Variants in ASB7 observed in about 807,000 individuals in gnomAD.
ASB7 encodes ankyrin repeat and SOCS box protein 7.
In ASB7, 4 loss-of-function variants were observed where a neutral mutation model predicts 32.5. The observed-to-expected ratio is 0.12, with a 90% CI of 0.06 to 0.28. The LOEUF is 0.28. ASB7 is among the 10% of genes least tolerant of loss of function. The probability of loss-of-function intolerance (pLI) is 1.00; values close to 1 mark genes in which losing one functional copy is unlikely to be tolerated. For synonymous variants in ASB7, 172 were observed against 155.6 expected (o/e 1.11, Z -0.78); for missense variants, 181 against 407.1 (o/e 0.44, Z 4.78).
intron 4 of ASB7, among the ~76,000 whole-genome samples, chr15:100,613,019 T>G (rs1399704111): frequency 2.0e-5 from 3 of 152,254 alleles, no homozygotes; most frequent in Non-Finnish European, 4.4e-5. Context: ...TGTTTTTGCT[T>G]TGAAAAACTG....
chr15:100,607,423 C>G (rs972548146), intron 2 of ASB7, among the ~76,000 whole-genome samples: 1 of 152,182 alleles, frequency 6.6e-6, no homozygotes, highest in African/African-American at 2.4e-5. Flanking sequence ...GAGGAAATTA[C>G]TTGTTGATGC....
chr15:100,641,006 G>A (rs960938761), intron 5 of ASB7, among the ~76,000 whole-genome samples: 3 of 152,134 alleles, frequency 2.0e-5, no homozygotes, highest in Non-Finnish European at 2.9e-5. Flanking sequence ...TAAAGGGTTT[G>A]TAATTCTTTA....
intron 5 of ASB7, among the ~76,000 whole-genome samples, chr15:100,637,955 C>CT (rs541831373): frequency 0.026 from 3,556 of 136,738 alleles, 151 homozygotes; most frequent in African/African-American, 0.073. Flanking sequence ...GAAAGCAGCT[C>CT]TTTTTTTTTT....
chr15:100,616,718 G>T (rs1474875963), intron 4 of ASB7, among the ~76,000 whole-genome samples: 1 of 152,168 alleles, frequency 6.6e-6, no homozygotes, highest in African/African-American at 2.4e-5. Flanking sequence ...CCTTTCCCTA[G>T]TAGAATAAGA....
chr15:100,625,562 A>G (rs572126016), intron 4 of ASB7, among the ~76,000 whole-genome samples: 8 of 152,198 alleles, frequency 5.3e-5, no homozygotes, highest in Non-Finnish European at 1.2e-4. Flanking sequence ...TAAGACCTAT[A>G]TAGAGAACTA....
chr15:100,629,802 C>G lies in ASB7; in HGVS notation c.577C>G (p.His193Asp), dbSNP rs1193988772. ...GCGATACGCCGTGATCAAAAGCAATCACTCTTATTGCCGAATGTTCCTTCA... is the reference window on the plus strand; with the variant it reads ...GCGATACGCCGTGATCAAAAGCAATGACTCTTATTGCCGAATGTTCCTTCA... Reference protein sequence around the residue: ...LLRYAVIKSNHSYCRMFLQRG... With the variant: ...LLRYAVIKSNDSYCRMFLQRG... The change falls in exon 5 of 6, where the codon CAC (histidine) becomes GAC (aspartate). Residue 193 changes from histidine (H) to aspartate (D), a missense_variant. Physicochemically the swap from His to Asp is moderately conservative, Grantham distance 81. Transcript: ENST00000332783. The surrounding 1 kb of genome is among the most constrained non-coding windows in gnomAD (Gnocchi z 6.8). 1 of 1,614,144 alleles carries G rather than the reference C, an allele frequency of 6.2e-7. No homozygotes were observed. Among genetic ancestry groups the G allele is most frequent in the Non-Finnish European group, 8.5e-7 (1 of 1,180,044 alleles).
At chr15:100,631,126 A>G (rs2039880145) in intron 5 of ASB7, among the ~76,000 whole-genome samples, 1 of 152,122 alleles carries the variant, frequency 6.6e-6, no homozygotes, top group East Asian at 1.9e-4. Context: ...ATTATCACTA[A>G]TGTTTTCAGA....
In ASB7 at chr15:100,602,811, G is replaced by C. The variant is rs1303975004; in HGVS notation, c.-508G>C. Reference sequence around the variant, plus strand: ...CTGGACCGGGACTGCCCCCCCACCCGAGCCAGGACTTCCTCCCTGCCTCCC... The same window carrying C: ...CTGGACCGGGACTGCCCCCCCACCCCAGCCAGGACTTCCTCCCTGCCTCCC... On this transcript the variant is annotated 5_prime_UTR_variant, in exon 1 of 6. Transcript: ENST00000332783. The C allele has an allele frequency of 2.6e-6, 1 of 385,624 alleles. No individual in the cohort carries two copies. Among genetic ancestry groups the C allele is most frequent in the Non-Finnish European group, 4.6e-6 (1 of 218,450 alleles). The allele number at this position is 385,624 out of a possible 1,614,324, so 23.9% of individuals were successfully genotyped here.
chr15:100,615,692 CAGAGATAGTCTATGCATGT>C (rs2039737642), intron 4 of ASB7, among the ~76,000 whole-genome samples: 1 of 152,198 alleles, frequency 6.6e-6, no homozygotes, highest in Non-Finnish European at 1.5e-5. Context: ...TTGTACCATC[CAGAGATAGTCTATGCATGT>C]AGGCAGAAAT....
At chr15:100,634,593 C>G (rs924435367) in intron 5 of ASB7, among the ~76,000 whole-genome samples, 7 of 152,116 alleles carry the variant, frequency 4.6e-5, no homozygotes, top group African/African-American at 1.7e-4. Context: ...CACTTGAGGC[C>G]GGGAGTTAGA....
Position 100,629,398 on chromosome 15 carries a change from TG to T in ASB7, c.212-37del. On this transcript the variant is annotated intron_variant, in intron 4 of 5. Coordinates refer to ENST00000332783, the MANE Select transcript of ASB7 (RefSeq NM_198243.3). This position sits in a 1 kb window ranked among gnomAD's most constrained non-coding sequence, Gnocchi z 6.8. ...CATGGTAATGTTTGTTGTTTTGTCTTGGAGTCTGCTAATACTTTCATTTTGG... is the reference window on the plus strand; with the variant it reads ...CATGGTAATGTTTGTTGTTTTGTCTTGAGTCTGCTAATACTTTCATTTTGG... 6.5e-7 allele frequency: 1 copy of T among 1,531,012 alleles called. No individual in the cohort carries two copies. The highest frequency in any genetic ancestry group is 8.9e-7 in the Non-Finnish European group (1 of 1,119,892). 94.8% of individuals were successfully genotyped at this position (1,531,012 alleles called of 1,614,324 possible). A position where few individuals can be genotyped will look rare whatever the true frequency, so the allele number is the denominator to read the frequency against.
intron 3 of ASB7, among the ~76,000 whole-genome samples, chr15:100,611,833 T>A (rs2141388784): frequency 6.6e-6 from 1 of 150,960 alleles, no homozygotes; most frequent in African/African-American, 2.4e-5. Context: ...TTTTTTTTTT[T>A]TTTTGAGATG....
intron 2 of ASB7, among the ~76,000 whole-genome samples, chr15:100,608,308 T>A (rs953387735): frequency 2.0e-5 from 3 of 152,220 alleles, no homozygotes; most frequent in Admixed American, 2.0e-4. Flanking sequence ...CCTACTAACA[T>A]CTTATATTAA....
chr15:100,616,074 C>A (rs1315694967), intron 4 of ASB7, among the ~76,000 whole-genome samples: 1 of 152,204 alleles, frequency 6.6e-6, no homozygotes, highest in Non-Finnish European at 1.5e-5. Flanking sequence ...TATGTCCTTA[C>A]TGACCGGGCA....
At chr15:100,621,539 C>T (rs374196929) in intron 4 of ASB7, among the ~76,000 whole-genome samples, 57 of 152,126 alleles carry the variant, frequency 3.7e-4, no homozygotes, top group African/African-American at 1.3e-3. Context: ...TTGCCACAGA[C>T]AGTGTAAATG....
intron 5 of ASB7, among the ~76,000 whole-genome samples, chr15:100,638,923 T>G (rs1022378901): frequency 3.3e-5 from 5 of 152,150 alleles, no homozygotes; most frequent in Non-Finnish European, 5.9e-5. Flanking sequence ...CTCTCACTTA[T>G]GAGTGAGAAC....
intron 4 of ASB7, among the ~76,000 whole-genome samples, chr15:100,613,459 A>G (rs903750137): frequency 2.0e-5 from 3 of 152,272 alleles, no homozygotes; most frequent in Admixed American, 2.0e-4. Flanking sequence ...AATGGGAACT[A>G]TGTGCCTGAA....
intron 4 of ASB7, among the ~76,000 whole-genome samples, chr15:100,623,129 T>C (rs963133531): frequency 6.6e-6 from 1 of 152,204 alleles, no homozygotes; most frequent in Non-Finnish European, 1.5e-5. Flanking sequence ...TCAGGCGTGG[T>C]GGCTCACACC....
chr15:100,616,334 C>T (rs1030083552), intron 4 of ASB7, among the ~76,000 whole-genome samples: 5 of 151,874 alleles, frequency 3.3e-5, no homozygotes, highest in African/African-American at 7.3e-5. Context: ...TTTTTGTTGT[C>T]GGGCAGAAGT....
Sources: allele counts gnomAD v4.1 joint callset (sites outside exome capture counted in the v4.1 genomes callset), GRCh38; gene constraint gnomAD v4.1.1; non-coding constraint Gnocchi (gnomAD v3.1); transcripts MANE v1.5; gene names NCBI Gene and HGNC (gene_info 2026-07-23, HGNC 2026-07-21).